The following DYM variants were observed in gnomAD, a reference collection of about 807,000 sequenced individuals.
The protein encoded by DYM is dyggve-Melchior-Clausen syndrome protein.
In DYM, 78 loss-of-function variants were observed where a neutral mutation model predicts 93.1. The ratio of observed to expected loss-of-function variants is 0.84; its 90% confidence interval spans 0.70 to 1.01. The LOEUF (loss-of-function observed/expected upper bound fraction) is 1.01. Among genes scored for constraint, DYM ranks in the 50% least tolerant of loss-of-function variants. DYM has a pLI of 0.00. For missense variants in DYM, 789 were observed against 845.0 expected, an observed-to-expected ratio of 0.93 and a Z score of 0.82; for synonymous variants, 321 against 319.7, an observed-to-expected ratio of 1.00 and a Z score of -0.04.
intron 14 of DYM, among the ~76,000 whole-genome samples, chr18:49,181,042 T>C (rs2145473310): frequency 6.6e-6 from 1 of 152,288 alleles, no homozygotes; most frequent in African/African-American, 2.4e-5. Context: ...AGCACCTCTC[T>C]AGCCTGAGTC....
intron 6 of DYM, among the ~76,000 whole-genome samples, chr18:49,337,373 G>T (rs764653320): frequency 6.6e-6 from 1 of 152,122 alleles, no homozygotes; most frequent in African/African-American, 2.4e-5. Context: ...CTCCATACAT[G>T]TGGATTGGAT....
chr18:49,209,404 C>G, intron 14 of DYM, 147 bp downstream of exon 14: 1 of 468,604 alleles, frequency 2.1e-6, no homozygotes, highest in Non-Finnish European at 3.1e-6. Context: ...CAAAATCCAG[C>G]TATTATTTTA....
intron 1 of DYM, among the ~76,000 whole-genome samples, chr18:49,443,299 G>A (rs1409186819): frequency 1.3e-5 from 2 of 152,150 alleles, no homozygotes; most frequent in Non-Finnish European, 2.9e-5. Context: ...CTGTTTTCCT[G>A]ATACAACAGC....
At chr18:49,164,125 A>T (rs1236736959) in intron 14 of DYM, among the ~76,000 whole-genome samples, 2 of 152,346 alleles carry the variant, frequency 1.3e-5, no homozygotes, top group South Asian at 4.1e-4. Context: ...AGTGCAATCT[A>T]CTACAAGTCA....
intron 6 of DYM, among the ~76,000 whole-genome samples, chr18:49,334,299 CAAT>C (rs1219987147): frequency 1.3e-5 from 2 of 151,678 alleles, no homozygotes; most frequent in African/African-American, 4.8e-5. Flanking sequence ...ACAATCAGAA[CAAT>C]AATACACCCT....
chr18:49,362,707 C>T (rs1478931040), intron 6 of DYM, among the ~76,000 whole-genome samples: 2 of 152,136 alleles, frequency 1.3e-5, no homozygotes, highest in Admixed American at 6.5e-5. Context: ...GGAGGACCTT[C>T]CCCTACATCT....
At chr18:49,099,564 T>C (rs2079913971) in intron 16 of DYM, among the ~76,000 whole-genome samples, 1 of 152,140 alleles carries the variant, frequency 6.6e-6, no homozygotes, top group Admixed American at 6.6e-5. Context: ...AAAATGTTCA[T>C]AAAATAAATT....
At chr18:49,240,233 T>C (rs1324155255) in intron 13 of DYM, among the ~76,000 whole-genome samples, 1 of 152,176 alleles carries the variant, frequency 6.6e-6, no homozygotes, top group Non-Finnish European at 1.5e-5. Flanking sequence ...ACCTATCTCA[T>C]CCTGAAAGGG....
intron 5 of DYM, among the ~76,000 whole-genome samples, chr18:49,376,194 A>G (rs1348734887): frequency 1.3e-5 from 2 of 152,168 alleles, no homozygotes; most frequent in Non-Finnish European, 2.9e-5. Context: ...GAGAACCCTA[A>G]TACAATAACT....
intron 16 of DYM, among the ~76,000 whole-genome samples, chr18:49,105,878 T>C (rs573117828): frequency 6.6e-6 from 1 of 152,340 alleles, no homozygotes; most frequent in East Asian, 1.9e-4. Flanking sequence ...GAAGAATGTA[T>C]ATTCTGCTGA....
At chr18:49,219,277 C>T (rs2093233660) in intron 13 of DYM, among the ~76,000 whole-genome samples, 1 of 152,014 alleles carries the variant, frequency 6.6e-6, no homozygotes, top group Admixed American at 6.6e-5. Flanking sequence ...GCTTACCAAC[C>T]AAAAAGAGTC....
chr18:49,146,464 A>G (rs1046623887), intron 15 of DYM, among the ~76,000 whole-genome samples: 3 of 152,230 alleles, frequency 2.0e-5, no homozygotes, highest in Admixed American at 6.5e-5. Flanking sequence ...TCAGCACAAA[A>G]TCTCCTTAAA....
chr18:49,098,826 A>G (rs1383045347), intron 16 of DYM, among the ~76,000 whole-genome samples: 10 of 152,368 alleles, frequency 6.6e-5, no homozygotes, highest in African/African-American at 2.2e-4. Context: ...AATATAGTGA[A>G]TAAATATCTG....
chr18:49,151,210 A>G (rs2085779364), intron 15 of DYM, among the ~76,000 whole-genome samples: 1 of 152,210 alleles, frequency 6.6e-6, no homozygotes, highest in Admixed American at 6.5e-5. Flanking sequence ...TTAAGTCTAG[A>G]TAAAGTCTGA....
At chr18:49,125,669 T>C (rs193078035) in intron 15 of DYM, among the ~76,000 whole-genome samples, 1 of 152,270 alleles carries the variant, frequency 6.6e-6, no homozygotes, top group East Asian at 1.9e-4. Context: ...CAAAGAATCG[T>C]AAAATTATAA....
In DYM at chr18:49,363,170, A is replaced by C. The variant is rs202200461; in HGVS notation, c.485T>G (p.Ile162Ser). 1 of 1,613,228 alleles carries C rather than the reference A, an allele frequency of 6.2e-7. No individual in the cohort carries two copies. Among genetic ancestry groups the C allele is most frequent in the South Asian group, 1.1e-5 (1 of 91,056 alleles). ...CCTAGCCAGAACTTACAAGAGTGGA[A>C]TATCAGTGATCAACTGCATCAAACA... ...LCCLMQLITD[I>S]PLLDITYEIS... is the part of the protein sequence containing the mutation. The change falls in exon 6 of 18, where the codon ATT (isoleucine) becomes AGT (serine). Residue 162 changes from isoleucine to serine, a missense_variant. By Grantham distance (142) the Ile-to-Ser change is moderately radical (BLOSUM62 -2). Transcript: ENST00000675505.
intron 17 of DYM, among the ~76,000 whole-genome samples, chr18:49,077,012 AC>A (rs892085896): frequency 3.3e-5 from 5 of 152,176 alleles, no homozygotes; most frequent in African/African-American, 1.2e-4. Flanking sequence ...TCACAGGAGG[AC>A]TTTTTTCCCT....
At chr18:49,286,686 T>C (rs2059688496) in intron 8 of DYM, 70 bp from the exon 9 acceptor site, 1 of 1,445,732 alleles carries the variant, frequency 6.9e-7, no homozygotes, top group African/African-American at 1.4e-5. Context: ...TAAAGTATTC[T>C]GTGTAATATA....
chr18:49,095,574 G>T (rs1415452902), intron 17 of DYM, among the ~76,000 whole-genome samples: 1 of 151,420 alleles, frequency 6.6e-6, no homozygotes, highest in African/African-American at 2.4e-5. Context: ...CAAATTAACT[G>T]GCCCTCTTAA....
Sources: gnomAD v4.1 joint callset for allele counts (sites outside exome capture counted in the v4.1 genomes callset) on GRCh38, gnomAD v4.1.1 for gene constraint, MANE v1.5 for transcripts, NCBI Gene and HGNC (gene_info 2026-07-23, HGNC 2026-07-21) for gene names.